Variants in PIK3CB observed in about 807,000 individuals in gnomAD.
The protein encoded by PIK3CB is phosphatidylinositol-4,5-bisphosphate 3-kinase catalytic subunit beta.
In PIK3CB, 39 loss-of-function variants were observed where a neutral mutation model predicts 136.8. The observed-to-expected ratio is 0.29, with a 90% CI of 0.22 to 0.37. PIK3CB has a LOEUF of 0.37. Among genes scored for constraint, PIK3CB ranks in the 10% least tolerant of loss-of-function variants. The probability of loss-of-function intolerance (pLI) is 1.00; values close to 1 mark genes in which losing one functional copy is unlikely to be tolerated. For synonymous variants in PIK3CB, 428 were observed against 436.6 expected (o/e 0.98, Z 0.25); for missense variants, 868 against 1,275.4 (o/e 0.68, Z 4.87).
chr3:138,754,753 A>C (rs539597091), intron 4 of PIK3CB, among the ~76,000 whole-genome samples: 33 of 152,364 alleles, frequency 2.2e-4, no homozygotes, highest in African/African-American at 7.7e-4. Flanking sequence ...GAATTATTAT[A>C]GGGTTAAGAT....
chr3:138,691,213 C>T (rs2044000447), intron 14 of PIK3CB, 70 bp from the exon 15 acceptor site: 1 of 1,407,102 alleles, frequency 7.1e-7, no homozygotes, highest in Non-Finnish European at 9.9e-7. Flanking sequence ...TGGTATCAAA[C>T]TATCAAATGT....
At position 138,750,888 on chromosome 3, in the gene PIK3CB, T is replaced by C. The variant is rs150433659; in HGVS notation, c.397+4866A>G. 3.2e-3 allele frequency among the ~76,000 whole-genome samples: 495 copies of C among 152,340 alleles called. 1 individual carries two copies. The highest frequency in any genetic ancestry group is 6.0e-3 in the Non-Finnish European group (410 of 68,030). On this transcript the variant is annotated intron_variant, in intron 4 of 23. Coordinates refer to ENST00000674063, the MANE Select transcript of PIK3CB (RefSeq NM_006219.3). ...GTGTTTACTGATCCTCACTTCCCAC[T>C]GGATTGTGAGGTCTAAGCAGAGACC...
At chr3:138,735,285 T>G (rs756023114) in intron 6 of PIK3CB, among the ~76,000 whole-genome samples, 15 of 152,002 alleles carry the variant, frequency 9.9e-5, no homozygotes, top group Non-Finnish European at 1.3e-4. Context: ...ATACAAAAAA[T>G]AGCTATCATT....
rs141117314 is a variant in PIK3CB, at chr3:138,826,348, G to A, written c.-122+8347C>T. On this transcript the variant is annotated intron_variant, in intron 1 of 23. Transcript: ENST00000674063. ...TAAATGAATATTATCCCTAATACCT[G>A]CCACCTGAGTCTTAATCAGTGGTGG... 9.4e-5 allele frequency: 150 copies of A among 1,593,548 alleles called. No homozygotes were observed. The African/African-American group carries it at 1.6e-3, about 17-fold the overall frequency.
At position 138,681,923 on chromosome 3, in the gene PIK3CB, T is replaced by C. The variant is rs748597091; in HGVS notation, c.2504+44A>G. ...CAAGAAATTCTAGATATTTTTGCTA[T>C]GGGAAGACATTAGACTGAAAAAAAA... is the stretch of plus-strand genomic sequence containing the variant. On this transcript the variant is annotated intron_variant, in intron 19 of 23. Transcript: ENST00000674063. 7 of 1,173,610 alleles carry C rather than the reference T, an allele frequency of 6.0e-6. No homozygotes were observed. In the East Asian group the frequency reaches 1.4e-4, roughly 24 times the overall value. The allele number at this position is 1,173,610 out of a possible 1,614,324, so 72.7% of individuals were successfully genotyped here. A position where few individuals can be genotyped will look rare whatever the true frequency, so the allele number is the denominator to read the frequency against.
intron 1 of PIK3CB, among the ~76,000 whole-genome samples, chr3:138,828,746 G>T (rs1261881795): frequency 6.6e-6 from 1 of 151,780 alleles, no homozygotes; most frequent in African/African-American, 2.4e-5. Flanking sequence ...TCCAGCTTAG[G>T]CAGCATAAGG....
At chr3:138,726,283 T>A (rs141155245) in intron 8 of PIK3CB, among the ~76,000 whole-genome samples, 1 of 152,350 alleles carries the variant, frequency 6.6e-6, no homozygotes, top group Admixed American at 6.5e-5. Context: ...CACTCTGCAA[T>A]GTTCCAAGTA....
chr3:138,799,853 AT>A (rs1197628360), intron 1 of PIK3CB, among the ~76,000 whole-genome samples: 1 of 151,232 alleles, frequency 6.6e-6, no homozygotes, highest in African/African-American at 2.4e-5. Context: ...AATTTTTGTT[AT>A]TTTTTGCAGA....
At chr3:138,713,390 C>A (rs181107177) in intron 9 of PIK3CB, among the ~76,000 whole-genome samples, 2 of 151,416 alleles carry the variant, frequency 1.3e-5, no homozygotes, top group East Asian at 4.0e-4. Flanking sequence ...TAAAAGAACA[C>A]GGCCAGGCAC....
At chr3:138,747,029 C>T (rs1289261870) in intron 4 of PIK3CB, among the ~76,000 whole-genome samples, 1 of 116,734 alleles carries the variant, frequency 8.6e-6, no homozygotes, top group Non-Finnish European at 1.7e-5. Flanking sequence ...CCTCCATCTA[C>T]AGTACATATC....
intron 19 of PIK3CB, among the ~76,000 whole-genome samples, chr3:138,668,342 T>A (rs1379371016): frequency 6.6e-6 from 1 of 152,160 alleles, no homozygotes; most frequent in Non-Finnish European, 1.5e-5. Flanking sequence ...CAGGCAACGA[T>A]GAAAGCTTTC....
At chr3:138,678,755 G>T (rs1015107627) in intron 19 of PIK3CB, among the ~76,000 whole-genome samples, 8 of 152,116 alleles carry the variant, frequency 5.3e-5, no homozygotes, top group African/African-American at 1.7e-4. Context: ...AAAATTACTA[G>T]GGATTAAGAG....
chr3:138,701,524 C>T (rs1318462650), intron 12 of PIK3CB, among the ~76,000 whole-genome samples: 6 of 152,038 alleles, frequency 3.9e-5, no homozygotes, highest in Non-Finnish European at 1.5e-5. Flanking sequence ...TGGTGGCTGA[C>T]GCCTGTAATC....
chr3:138,778,030 C>A, intron 2 of PIK3CB: 1 of 381,374 alleles, frequency 2.6e-6, no homozygotes, highest in South Asian at 2.1e-5. Context: ...AGCTTGTCAT[C>A]AATGAAAATA....
intron 1 of PIK3CB, among the ~76,000 whole-genome samples, chr3:138,798,164 CT>C (rs925701804): frequency 1.3e-5 from 2 of 151,658 alleles, no homozygotes; most frequent in Non-Finnish European, 1.5e-5. Flanking sequence ...ATTTATTTAT[CT>C]TTTTTTTCTT....
intron 1 of PIK3CB, among the ~76,000 whole-genome samples, chr3:138,819,049 G>A (rs1933450514): frequency 6.6e-6 from 1 of 152,136 alleles, no homozygotes; most frequent in Admixed American, 6.6e-5. Flanking sequence ...TTGTCTTGGT[G>A]ATTAAACATC....
chr3:138,763,956 C>T (rs1022320463), intron 2 of PIK3CB, among the ~76,000 whole-genome samples: 4 of 151,412 alleles, frequency 2.6e-5, no homozygotes, highest in Admixed American at 6.6e-5. Flanking sequence ...GTTAAAAATG[C>T]AAACATTAGC....
At chr3:138,659,371 G>A (rs1444409152) in intron 21 of PIK3CB, among the ~76,000 whole-genome samples, 1 of 152,062 alleles carries the variant, frequency 6.6e-6, no homozygotes. Flanking sequence ...ATACTTGACT[G>A]GGCGTGGTGG....
intron 2 of PIK3CB, among the ~76,000 whole-genome samples, chr3:138,781,852 G>T (rs1175269955): frequency 6.6e-6 from 1 of 152,186 alleles, no homozygotes; most frequent in African/African-American, 2.4e-5. Context: ...ACGCCAGGCA[G>T]TCGAGGCTAC....
Sources: gnomAD v4.1 joint callset for allele counts (sites outside exome capture counted in the v4.1 genomes callset) on GRCh38, gnomAD v4.1.1 for gene constraint, MANE v1.5 for transcripts, NCBI Gene and HGNC (gene_info 2026-07-23, HGNC 2026-07-21) for gene names.